The following ADGRL2 variants were observed in gnomAD, a reference collection of about 807,000 sequenced individuals.
ADGRL2 encodes calcium-independent alpha-latrotoxin receptor 2.
A neutral mutation model predicts 157.4 loss-of-function variants in ADGRL2; 44 were observed. The observed-to-expected ratio is 0.28, with a 90% confidence interval of 0.22 to 0.36. The LOEUF (loss-of-function observed/expected upper bound fraction) is 0.36. Ranked by LOEUF, ADGRL2 falls within the 10% of genes least tolerant of loss-of-function variation. The pLI, the probability that ADGRL2 is intolerant of heterozygous loss-of-function variation, is 1.00. For synonymous variants in ADGRL2, 585 were observed against 624.7 expected (o/e 0.94, Z 0.95); for missense variants, 1,510 against 1,768.9 (o/e 0.85, Z 2.63).
chr1:81,592,969 A>T (rs1010899275), intron 3 of ADGRL2, among the ~76,000 whole-genome samples: 1 of 152,142 alleles, frequency 6.6e-6, no homozygotes, highest in African/African-American at 2.4e-5. Flanking sequence ...GGGACAACCC[A>T]TTTATCCCAA....
chr1:81,827,418 A>G (rs1233286570), intron 1 of ADGRL2, among the ~76,000 whole-genome samples: 6 of 152,100 alleles, frequency 3.9e-5, no homozygotes, highest in African/African-American at 1.4e-4. Context: ...TTCTCCCGTT[A>G]TTTACTATTT....
intron 1 of ADGRL2, among the ~76,000 whole-genome samples, chr1:81,747,310 T>A (rs1232894669): frequency 2.0e-5 from 3 of 149,098 alleles, no homozygotes; most frequent in Admixed American, 6.7e-5. Flanking sequence ...TATATATATT[T>A]TTTTTTTTGA....
rs150111111 is a variant in ADGRL2, at chr1:81,559,647, A to G, written c.-247-21229A>G. ...TGCTGAGTTATCTAAGTTTATGTAG[A>G]AAGGTTTTGGAAGAGTCTGTCAAGA... On this transcript the variant is annotated intron_variant, in intron 2 of 24. Transcript: ENST00000370721. Among the ~76,000 whole-genome samples the G allele has an allele frequency of 2.0e-3, 311 of 152,286 alleles. 4 individuals carry two copies. The East Asian group carries it at 0.052, about 25-fold the overall frequency.
intron 3 of ADGRL2, among the ~76,000 whole-genome samples, chr1:81,679,237 T>C (rs866565411): frequency 2.6e-5 from 4 of 151,906 alleles, no homozygotes; most frequent in Non-Finnish European, 5.9e-5. Context: ...ATAAGGGGAA[T>C]AGGGTAGGAG....
At chr1:81,308,649 C>A (rs1659519595) in intron 1 of ADGRL2, among the ~76,000 whole-genome samples, 1 of 152,156 alleles carries the variant, frequency 6.6e-6, no homozygotes, top group African/African-American at 2.4e-5. Flanking sequence ...TAAAGGCACT[C>A]CCCATGGAAT....
chr1:81,813,258 A>T (rs138040030), intron 1 of ADGRL2, among the ~76,000 whole-genome samples: 1 of 151,814 alleles, frequency 6.6e-6, no homozygotes, highest in Admixed American at 6.6e-5. Context: ...TCCATTATGT[A>T]TCTTTGGAAA....
chr1:81,925,327 A>G (rs2095078932), intron 3 of ADGRL2, among the ~76,000 whole-genome samples: 1 of 152,054 alleles, frequency 6.6e-6, no homozygotes, highest in Non-Finnish European at 1.5e-5. Flanking sequence ...TCCCTTCTAC[A>G]CAAAATATCC....
At chr1:81,696,531 T>A (rs2083446964), upstream of ADGRL2, among the ~76,000 whole-genome samples, 1 of 151,968 alleles carries the variant, frequency 6.6e-6, no homozygotes, top group Non-Finnish European at 1.5e-5. Flanking sequence ...GGCGGGCGGA[T>A]CACAAGGTCA....
At chr1:81,330,804 A>C (rs1292692829) in intron 1 of ADGRL2, among the ~76,000 whole-genome samples, 1 of 152,188 alleles carries the variant, frequency 6.6e-6, no homozygotes. Flanking sequence ...GCAGAAGTGC[A>C]AAAAAGTGTT....
chr1:81,912,333 A>C (rs1271909333), intron 3 of ADGRL2, among the ~76,000 whole-genome samples: 1 of 152,036 alleles, frequency 6.6e-6, no homozygotes. Flanking sequence ...CAGCCTCCCA[A>C]AGTGTTTGTA....
At chr1:81,792,535 C>T (rs1300352232) in intron 2 of ADGRL2, among the ~76,000 whole-genome samples, 1 of 151,802 alleles carries the variant, frequency 6.6e-6, no homozygotes, top group African/African-American at 2.4e-5. Flanking sequence ...TTAAAAATTC[C>T]TTTGTCAAAC....
At chr1:81,948,880 AGT>A (rs1650829555) in intron 6 of ADGRL2, among the ~76,000 whole-genome samples, 1 of 152,208 alleles carries the variant, frequency 6.6e-6, no homozygotes. Context: ...GGTAACAAGA[AGT>A]ATGTAACTAC....
chr1:81,322,544 A>G (rs1308511928), intron 1 of ADGRL2, among the ~76,000 whole-genome samples: 1 of 152,152 alleles, frequency 6.6e-6, no homozygotes, highest in Admixed American at 6.5e-5. Flanking sequence ...TGGTGATAGG[A>G]CTGCTAAAAA....
At chr1:81,526,779 A>G (rs537414062) in intron 2 of ADGRL2, among the ~76,000 whole-genome samples, 11 of 152,242 alleles carry the variant, frequency 7.2e-5, no homozygotes, top group African/African-American at 2.7e-4. Context: ...TTTCGAATAT[A>G]CACATTCTCC....
intron 2 of ADGRL2, among the ~76,000 whole-genome samples, chr1:81,452,864 T>G (rs2077727652): frequency 6.6e-6 from 1 of 152,114 alleles, no homozygotes; most frequent in Non-Finnish European, 1.5e-5. Flanking sequence ...AAGAGAGTGT[T>G]GAAGTTCCCC....
chr1:81,723,504 A>G lies in ADGRL2; in HGVS notation c.-143+23696A>G, dbSNP rs553925259. ...ATTTTTTTCCTTTGAATTATTGGGC[A>G]GGGAAGATACTTATGTATGGAAGAT... On this transcript the variant is annotated intron_variant, in intron 1 of 20. Coordinates refer to the ADGRL2 transcript ENST00000359929. Among the ~76,000 whole-genome samples the G allele has an allele frequency of 3.3e-5, 5 of 152,308 alleles. No individual in the cohort carries two copies. The South Asian group carries it at 1.0e-3, about 32-fold the overall frequency.
chr1:81,449,794 T>C (rs1254576666), intron 2 of ADGRL2, among the ~76,000 whole-genome samples: 1 of 152,118 alleles, frequency 6.6e-6, no homozygotes, highest in African/African-American at 2.4e-5. Flanking sequence ...TTTCACCATG[T>C]TGCCCAGGCT....
intron 2 of ADGRL2, among the ~76,000 whole-genome samples, chr1:81,530,713 A>C (rs1426329586): frequency 2.6e-5 from 4 of 152,128 alleles, no homozygotes; most frequent in African/African-American, 9.7e-5. Context: ...AGCCTCTAGA[A>C]GCTCTAAGTG....
chr1:81,610,870 G>C (rs1447665496), intron 3 of ADGRL2, among the ~76,000 whole-genome samples: 1 of 152,186 alleles, frequency 6.6e-6, no homozygotes, highest in African/African-American at 2.4e-5. Context: ...CAGCTAGATT[G>C]CTTGTGGTAC....
Sources: gnomAD v4.1 joint callset for allele counts (sites outside exome capture counted in the v4.1 genomes callset) on GRCh38, gnomAD v4.1.1 for gene constraint, MANE v1.5 for transcripts, NCBI Gene and HGNC (gene_info 2026-07-23, HGNC 2026-07-21) for gene names.